TYR: variants seen among roughly 807,000 people sequenced by gnomAD.
TYR encodes LB24-AB.
In TYR, 58 loss-of-function variants were observed where a neutral mutation model predicts 51.5. That is an observed-to-expected ratio of 1.13 (90% CI 0.91 to 1.40). TYR has a LOEUF of 1.40. Among genes scored for constraint, TYR ranks in the 40% most tolerant of loss-of-function variants. The pLI is 0.00. For synonymous variants in TYR, 263 were observed against 235.2 expected (o/e 1.12, Z -1.08); for missense variants, 732 against 647.4 (o/e 1.13, Z -1.42).
chr11:89,221,208 G>T (rs1248336279), intron 2 of TYR, among the ~76,000 whole-genome samples: 1 of 152,166 alleles, frequency 6.6e-6, no homozygotes, highest in Non-Finnish European at 1.5e-5. Flanking sequence ...TTTGTAACAA[G>T]TTTACAGGTG....
In TYR at chr11:89,227,900, G is replaced by A; in HGVS notation, c.1114G>A (p.Gly372Arg). ...CAATGCCTTGCACATCTATATGAAT[G>A]GAACAATGTCCCAGGTACAGGGATC... ...MHNALHIYMNGTMSQVQGSAN... is the reference protein window; with the variant it reads ...MHNALHIYMNRTMSQVQGSAN... The change falls in exon 3 of 5, where the codon GGA becomes AGA. Residue 372 changes from glycine to arginine, a missense_variant. Transcript: ENST00000263321. The A allele has an allele frequency of 6.2e-7, 1 of 1,613,438 alleles. No individual in the cohort carries two copies. The highest frequency in any genetic ancestry group is 8.5e-7 in the Non-Finnish European group (1 of 1,179,726).
chr11:89,227,610 G>A (rs1943992570), intron 2 of TYR, among the ~76,000 whole-genome samples: 1 of 152,094 alleles, frequency 6.6e-6, no homozygotes, highest in African/African-American at 2.4e-5. Context: ...GCTCTCCATT[G>A]TACCCAAATT....
At chr11:89,238,122 A>G (rs777217417) in intron 3 of TYR, among the ~76,000 whole-genome samples, 67 of 152,124 alleles carry the variant, frequency 4.4e-4, no homozygotes, top group Non-Finnish European at 7.8e-4. Flanking sequence ...GTCTTGAGCC[A>G]CTGCTCCCAG....
chr11:89,291,535 T>C (rs1172990243), intron 4 of TYR, among the ~76,000 whole-genome samples: 1 of 151,934 alleles, frequency 6.6e-6, no homozygotes, highest in African/African-American at 2.4e-5. Flanking sequence ...TCAACTGTAA[T>C]CTTATTGTTA....
chr11:89,238,082 C>T lies in TYR; in HGVS notation c.1184+10112C>T, dbSNP rs1263425290. Among the ~76,000 whole-genome samples, 5 of 152,142 alleles carry T rather than the reference C, an allele frequency of 3.3e-5. No individual in the cohort carries two copies. In the East Asian group the frequency reaches 5.8e-4, roughly 18 times the overall value. On this transcript the variant is annotated intron_variant, in intron 3 of 4. Coordinates refer to ENST00000263321, the MANE Select transcript of TYR (RefSeq NM_000372.5). ...AACTCCTGACCTCAAGTGATCCACT[C>T]GTCTCAGACTTCAGATTGCTGGGAT...
intron 2 of TYR, among the ~76,000 whole-genome samples, chr11:89,224,430 T>C (rs992171605): frequency 6.6e-6 from 1 of 152,180 alleles, no homozygotes; most frequent in African/African-American, 2.4e-5. Context: ...ACACAGAATT[T>C]AAGCCAAGTT....
At chr11:89,229,257 T>A (rs1944012280) in intron 3 of TYR, among the ~76,000 whole-genome samples, 2 of 151,920 alleles carry the variant, frequency 1.3e-5, no homozygotes, top group Non-Finnish European at 1.5e-5. Context: ...CTGTGTTAAG[T>A]TTTATTCAGA....
chr11:89,247,234 T>A (rs1223834548), intron 3 of TYR, among the ~76,000 whole-genome samples: 2 of 152,204 alleles, frequency 1.3e-5, no homozygotes, highest in Non-Finnish European at 2.9e-5. Flanking sequence ...AATCATGGGT[T>A]CGTGGCAGAC....
At chr11:89,226,210 A>G (rs568159470) in intron 2 of TYR, among the ~76,000 whole-genome samples, 4 of 152,222 alleles carry the variant, frequency 2.6e-5, no homozygotes, top group Non-Finnish European at 5.9e-5. Flanking sequence ...AAACCATTGT[A>G]TTTAGGAGCA....
At chr11:89,224,375 C>A (rs900165351) in intron 2 of TYR, among the ~76,000 whole-genome samples, 3 of 151,900 alleles carry the variant, frequency 2.0e-5, no homozygotes, top group Non-Finnish European at 4.4e-5. Flanking sequence ...CATTGAAGCC[C>A]AAAAAATATA....
intron 3 of TYR, among the ~76,000 whole-genome samples, chr11:89,263,753 T>G (rs1276604075): frequency 1.3e-5 from 2 of 152,028 alleles, no homozygotes; most frequent in South Asian, 2.1e-4. Context: ...TCAGAAAGAA[T>G]AGAATACTTA....
At chr11:89,192,739 T>A (rs964757130) in intron 2 of TYR, among the ~76,000 whole-genome samples, 1 of 152,174 alleles carries the variant, frequency 6.6e-6, no homozygotes, top group Non-Finnish European at 1.5e-5. Context: ...CTTTTTAAAG[T>A]AATCACCGTA....
intron 3 of TYR, among the ~76,000 whole-genome samples, chr11:89,276,798 A>G (rs1364876232): frequency 6.6e-6 from 1 of 151,782 alleles, no homozygotes; most frequent in Non-Finnish European, 1.5e-5. Context: ...CTGCAGAAAC[A>G]CCCCTGTCAT....
rs1944072292 is a variant in TYR, at chr11:89,233,142, A to C, written c.1184+5172A>C. On this transcript the variant is annotated intron_variant, in intron 3 of 4. Coordinates refer to ENST00000263321, the MANE Select transcript of TYR (RefSeq NM_000372.5). ...TCAACTAGGTTTATCTGATATACTA[A>C]ATACTTTGTTACAATATCAAAACAT... Among the ~76,000 whole-genome samples the C allele has an allele frequency of 1.4e-5, 2 of 143,590 alleles. 1 individual carries two copies. The highest frequency in any genetic ancestry group is 4.6e-4 in the South Asian group (2 of 4,386). The allele number at this position is 143,590 out of a possible 152,430, so 94.2% of individuals were successfully genotyped here.
At position 89,185,861 on chromosome 11, in the gene TYR, G is replaced by A. The variant is rs551157693; in HGVS notation, c.820-5341G>A. Among the ~76,000 whole-genome samples, 15 of 152,032 alleles carry A rather than the reference G, an allele frequency of 9.9e-5. 1 individual carries two copies. Among genetic ancestry groups the A allele is most frequent in the East Asian group, 3.9e-4 (2 of 5,176 alleles). ...ATCTTAAAAGCCCTTTTTGGCTTAC[G>A]TAGTCACATATTTTTATCATAGTTT... On this transcript the variant is annotated intron_variant, in intron 1 of 4. Transcript: ENST00000263321.
intron 4 of TYR, among the ~76,000 whole-genome samples, chr11:89,289,852 G>A (rs538742040): frequency 6.6e-6 from 1 of 152,114 alleles, no homozygotes; most frequent in African/African-American, 2.4e-5. Context: ...AGCAAGTTTG[G>A]AAAGAAAAAC....
At chr11:89,195,940 A>G (rs1481836475) in intron 2 of TYR, among the ~76,000 whole-genome samples, 1 of 151,866 alleles carries the variant, frequency 6.6e-6, no homozygotes, top group Non-Finnish European at 1.5e-5. Context: ...GGACATGGGG[A>G]CTGAAATTTC....
Position 89,178,171 on chromosome 11 carries a change from G to A in TYR, c.218G>A (p.Gly73Glu). 1.2e-6 allele frequency: 2 copies of A among 1,614,170 alleles called. No homozygotes were observed. The highest frequency in any genetic ancestry group is 1.7e-6 in the Non-Finnish European group (2 of 1,180,038). Reference sequence around the variant, plus strand: ...CTTGGGCCTCAATTTCCCTTCACAGGGGTGGATGACCGGGAGTCGTGGCCT... The same window carrying A: ...CTTGGGCCTCAATTTCCCTTCACAGAGGTGGATGACCGGGAGTCGTGGCCT... Reference protein sequence around the residue: ...APLGPQFPFTGVDDRESWPSV... With the variant: ...APLGPQFPFTEVDDRESWPSV... The change falls in exon 1 of 5, where the codon GGG (glycine) becomes GAG (glutamate). Residue 73 changes from glycine (G) to glutamate (E), a missense_variant. Transcript: ENST00000263321.
intron 3 of TYR, among the ~76,000 whole-genome samples, chr11:89,248,258 G>A (rs1297140803): frequency 1.3e-5 from 2 of 151,972 alleles, no homozygotes; most frequent in East Asian, 3.9e-4. Flanking sequence ...TTCTAGTGAG[G>A]AGAAACATAA....
Sources: allele counts gnomAD v4.1 joint callset (sites outside exome capture counted in the v4.1 genomes callset), GRCh38; gene constraint gnomAD v4.1.1; transcripts MANE v1.5; gene names NCBI Gene and HGNC (gene_info 2026-07-23, HGNC 2026-07-21).